Variants in LINGO2 observed in about 807,000 individuals in gnomAD.
The protein encoded by LINGO2 is leucine-rich repeat and immunoglobulin-like domain-containing nogo receptor-interacting protein 2.
LINGO2 carries 14 observed loss-of-function variants against 30.6 expected under a neutral mutation model. The ratio of observed to expected loss-of-function variants is 0.46; its 90% confidence interval spans 0.30 to 0.72. The LOEUF is 0.72. Among genes scored for constraint, LINGO2 ranks in the 30% least tolerant of loss-of-function variants. The pLI is 0.07. For synonymous variants in LINGO2, 317 were observed against 288.5 expected, an observed-to-expected ratio of 1.10 and a Z score of -1.00; for missense variants, 729 against 751.7, an observed-to-expected ratio of 0.97 and a Z score of 0.35.
At chr9:28,035,500 C>G (rs1009985741) in intron 4 of LINGO2, among the ~76,000 whole-genome samples, 3 of 152,170 alleles carry the variant, frequency 2.0e-5, no homozygotes, top group Non-Finnish European at 2.9e-5. Flanking sequence ...GTGTTATTAA[C>G]TGAAATGAAA....
chr9:28,201,511 C>G (rs898454769), intron 4 of LINGO2, among the ~76,000 whole-genome samples: 10 of 150,186 alleles, frequency 6.7e-5, no homozygotes, highest in Admixed American at 2.0e-4. Flanking sequence ...CAAGTCTTTG[C>G]TATTGTGAAT....
the LINGO2 span, among the ~76,000 whole-genome samples, chr9:28,808,593 G>T: frequency 3.9e-5 from 6 of 152,170 alleles, no homozygotes; most frequent in African/African-American, 1.4e-4. Context: ...TTGTAAGTGT[G>T]GAGTTTGGAC....
chr9:28,830,087 A>G, the LINGO2 span, among the ~76,000 whole-genome samples: 1 of 152,210 alleles, frequency 6.6e-6, no homozygotes, highest in African/African-American at 2.4e-5. Context: ...TGCTATAATA[A>G]CGATAAAAGC....
the LINGO2 span, among the ~76,000 whole-genome samples, chr9:28,716,553 T>C: frequency 6.6e-6 from 1 of 152,104 alleles, no homozygotes. Flanking sequence ...AAATATAGTT[T>C]CCTTTAAAGC....
chr9:28,117,797 T>C (rs908766620), intron 4 of LINGO2, among the ~76,000 whole-genome samples: 3 of 151,134 alleles, frequency 2.0e-5, no homozygotes, highest in Non-Finnish European at 4.4e-5. Flanking sequence ...CACACTGGCC[T>C]GCGCCCACTG....
intron 5 of LINGO2, among the ~76,000 whole-genome samples, chr9:28,001,098 TAAAGGAA>T (rs1426495665): frequency 2.0e-5 from 3 of 152,254 alleles, no homozygotes; most frequent in African/African-American, 7.2e-5. Flanking sequence ...CACACATTTT[TAAAGGAA>T]TTTTCTTAAT....
intron 4 of LINGO2, among the ~76,000 whole-genome samples, chr9:28,124,633 G>C (rs748592027): frequency 5.3e-5 from 8 of 152,052 alleles, no homozygotes; most frequent in Admixed American, 1.3e-4. Context: ...ATTTTTCCCA[G>C]TGAAACATTA....
At chr9:28,249,440 G>C (rs1822116131) in intron 4 of LINGO2, among the ~76,000 whole-genome samples, 1 of 152,132 alleles carries the variant, frequency 6.6e-6, no homozygotes, top group Non-Finnish European at 1.5e-5. Flanking sequence ...CTTATGGTAA[G>C]TGATTGGCAA....
chr9:28,485,035 T>G (rs1229946049), intron 1 of LINGO2, among the ~76,000 whole-genome samples: 1 of 152,102 alleles, frequency 6.6e-6, no homozygotes, highest in Non-Finnish European at 1.5e-5. Flanking sequence ...TCTCAGTTTC[T>G]CCATTATCAA....
chr9:28,835,595 T>C, the LINGO2 span, among the ~76,000 whole-genome samples: 1 of 152,190 alleles, frequency 6.6e-6, no homozygotes, highest in Non-Finnish European at 1.5e-5. Context: ...ATATAACACA[T>C]ATCTAACTAC....
chr9:28,573,843 C>G (rs1421778131), intron 1 of LINGO2, among the ~76,000 whole-genome samples: 2 of 151,950 alleles, frequency 1.3e-5, no homozygotes, highest in South Asian at 2.1e-4. Flanking sequence ...TTTAAACACT[C>G]ATATTTTGAT....
At chr9:28,632,195 C>A (rs1056161233) in intron 1 of LINGO2, among the ~76,000 whole-genome samples, 1 of 152,030 alleles carries the variant, frequency 6.6e-6, no homozygotes, top group Non-Finnish European at 1.5e-5. Context: ...AATCACATGG[C>A]AAACTCAAGG....
chr9:28,854,275 A>C, the LINGO2 span, among the ~76,000 whole-genome samples: 23 of 152,162 alleles, frequency 1.5e-4, no homozygotes, highest in African/African-American at 5.3e-4. Context: ...TATTAGTAAA[A>C]CATAAGCACA....
At chr9:28,878,085 C>T in the LINGO2 span, among the ~76,000 whole-genome samples, 1 of 151,922 alleles carries the variant, frequency 6.6e-6, no homozygotes, top group African/African-American at 2.4e-5. Context: ...ATTGATAGAC[C>T]ACTAGCAAGA....
intron 2 of LINGO2, among the ~76,000 whole-genome samples, chr9:28,435,389 G>A (rs1187452229): frequency 2.6e-5 from 4 of 152,058 alleles, no homozygotes; most frequent in Admixed American, 2.6e-4. Flanking sequence ...ATTGTGCTTT[G>A]TGGCCAAGAA....
the LINGO2 span, among the ~76,000 whole-genome samples, chr9:29,081,471 T>C: frequency 6.6e-6 from 1 of 152,148 alleles, no homozygotes; most frequent in East Asian, 1.9e-4. Context: ...CCACAGCCAA[T>C]ATCATACTGA....
the LINGO2 span, among the ~76,000 whole-genome samples, chr9:29,027,780 A>C: frequency 6.6e-6 from 1 of 152,190 alleles, no homozygotes; most frequent in Admixed American, 6.6e-5. Context: ...TCTGCTTAAA[A>C]ATTAACTGTG....
intron 2 of LINGO2, among the ~76,000 whole-genome samples, chr9:28,388,063 A>C (rs1026627409): frequency 7.2e-5 from 11 of 152,080 alleles, no homozygotes; most frequent in African/African-American, 2.7e-4. Context: ...CTACCCACCA[A>C]AGGTATAAAA....
At chr9:28,355,255 G>GTCTC (rs1485361829) in intron 3 of LINGO2, among the ~76,000 whole-genome samples, 1 of 8,746 alleles carries the variant, frequency 1.1e-4, no homozygotes, top group African/African-American at 3.3e-4. Flanking sequence ...CTCTCTCTCT[G>GTCTC]TCTCTGTCTC....
Sources: allele counts gnomAD v4.1 joint callset (sites outside exome capture counted in the v4.1 genomes callset), GRCh38; gene constraint gnomAD v4.1.1; transcripts MANE v1.5; gene names NCBI Gene and HGNC (gene_info 2026-07-23, HGNC 2026-07-21).